The following VPS41 variants were observed in gnomAD, a reference collection of about 807,000 sequenced individuals.
The protein encoded by VPS41 is VPS41 subunit of HOPS complex.
VPS41 carries 85 observed loss-of-function variants against 130.9 expected under a neutral mutation model. That is an observed-to-expected ratio of 0.65 (90% CI 0.55 to 0.78). The LOEUF (loss-of-function observed/expected upper bound fraction) is 0.78. Among genes scored for constraint, VPS41 ranks in the 30% least tolerant of loss-of-function variants. The pLI, the probability that VPS41 is intolerant of heterozygous loss-of-function variation, is 0.00. For missense variants in VPS41, 874 were observed against 1,018.7 expected (o/e 0.86, Z 1.93); for synonymous variants, 335 against 332.9 (o/e 1.01, Z -0.07).
intron 4 of VPS41, among the ~76,000 whole-genome samples, chr7:38,833,996 A>G (rs751880798): frequency 6.6e-6 from 1 of 152,126 alleles, no homozygotes; most frequent in Non-Finnish European, 1.5e-5. Flanking sequence ...TACAAAGCTG[A>G]TTTAACCTAT....
At chr7:38,760,939 C>T (rs1783898525) in intron 17 of VPS41, among the ~76,000 whole-genome samples, 1 of 152,058 alleles carries the variant, frequency 6.6e-6, no homozygotes, top group South Asian at 2.1e-4. Flanking sequence ...CATTAAAGTT[C>T]CACCCGATTT....
intron 2 of VPS41, among the ~76,000 whole-genome samples, chr7:38,896,306 A>G (rs1266275827): frequency 6.6e-6 from 1 of 152,186 alleles, no homozygotes; most frequent in African/African-American, 2.4e-5. Context: ...GCTTTTCAAT[A>G]CTGTATGAGA....
intron 7 of VPS41, among the ~76,000 whole-genome samples, chr7:38,807,272 G>A (rs1435821609): frequency 6.6e-6 from 1 of 152,190 alleles, no homozygotes; most frequent in South Asian, 2.1e-4. Flanking sequence ...TACTCCTGGT[G>A]ATCTTTGGCC....
intron 2 of VPS41, among the ~76,000 whole-genome samples, 177 bp downstream of exon 2, chr7:38,897,914 C>A (rs1441972989): frequency 1.3e-5 from 2 of 152,036 alleles, no homozygotes; most frequent in African/African-American, 4.8e-5. Flanking sequence ...TTAAGCTAAT[C>A]CATTTAATCT....
At chr7:38,729,446 T>C (rs1195393310) in intron 25 of VPS41, among the ~76,000 whole-genome samples, 1 of 152,194 alleles carries the variant, frequency 6.6e-6, no homozygotes, top group Non-Finnish European at 1.5e-5. Flanking sequence ...CTGACTATAA[T>C]AACCTTCAAA....
chr7:38,758,240 T>C, intron 18 of VPS41, 114 bp downstream of exon 18: 2 of 945,998 alleles, frequency 2.1e-6, no homozygotes, highest in South Asian at 3.6e-5. Flanking sequence ...TAAGAAGGAA[T>C]GTAGGAAAAT....
At chr7:38,779,203 T>C (rs536513306) in intron 10 of VPS41, among the ~76,000 whole-genome samples, 11 of 152,192 alleles carry the variant, frequency 7.2e-5, no homozygotes, top group Admixed American at 1.3e-4. Context: ...AGTGGCTAAA[T>C]CACAAGCTGA....
At chr7:38,888,758 T>C (rs1786789473) in intron 2 of VPS41, among the ~76,000 whole-genome samples, 2 of 152,130 alleles carry the variant, frequency 1.3e-5, no homozygotes, top group South Asian at 4.1e-4. Flanking sequence ...TATTCTAAAA[T>C]TGACCACATA....
chr7:38,819,291 C>T (rs766182388), intron 6 of VPS41, among the ~76,000 whole-genome samples: 3 of 152,224 alleles, frequency 2.0e-5, no homozygotes, highest in Non-Finnish European at 2.9e-5. Flanking sequence ...CCAAGATTAT[C>T]TTCCCTACCT....
chr7:38,788,204 G>T (rs1342426643), intron 10 of VPS41, among the ~76,000 whole-genome samples: 1 of 152,164 alleles, frequency 6.6e-6, no homozygotes, highest in Admixed American at 6.5e-5. Flanking sequence ...AGAAAAGGAT[G>T]GTCAAGAAGG....
intron 1 of VPS41, among the ~76,000 whole-genome samples, chr7:38,907,101 T>C (rs1190259603): frequency 6.6e-6 from 1 of 151,370 alleles, no homozygotes; most frequent in Non-Finnish European, 1.5e-5. Flanking sequence ...ACAAATTTTA[T>C]AATACAGTAT....
rs528170144 is a variant in VPS41 at position 38,897,089 on chromosome 7, G to A, written c.60+1002C>T. 2.0e-5 allele frequency among the ~76,000 whole-genome samples: 3 copies of A among 151,254 alleles called. No individual in the cohort carries two copies. In the South Asian group the frequency reaches 6.3e-4, roughly 32 times the overall value. ...GGCGCCTGTAATCCCAGCTACTCGGGAGGCTGAGGCTGGAGAATCACTTGA... is the reference window on the plus strand; with the variant it reads ...GGCGCCTGTAATCCCAGCTACTCGGAAGGCTGAGGCTGGAGAATCACTTGA... On this transcript the variant is annotated intron_variant, in intron 2 of 28. Transcript: ENST00000310301.
chr7:38,756,772 T>C (rs1783802686), intron 19 of VPS41, 66 bp downstream of exon 19: 7 of 1,189,536 alleles, frequency 5.9e-6, no homozygotes, highest in Admixed American at 5.4e-5. Context: ...TTTGGATAGA[T>C]ATCTAAGTAT....
chr7:38,887,441 C>T (rs547128793), intron 2 of VPS41, among the ~76,000 whole-genome samples: 13 of 151,898 alleles, frequency 8.6e-5, no homozygotes, highest in Admixed American at 2.0e-4. Context: ...GATTGAAGAT[C>T]GAATTAGTGA....
At chr7:38,865,786 C>T (rs938099350) in intron 3 of VPS41, among the ~76,000 whole-genome samples, 3 of 151,952 alleles carry the variant, frequency 2.0e-5, no homozygotes, top group African/African-American at 4.8e-5. Context: ...GGGGAAGAGA[C>T]AGGTGATAAG....
chr7:38,754,497 C>T (rs915825526), intron 21 of VPS41, among the ~76,000 whole-genome samples: 1 of 152,136 alleles, frequency 6.6e-6, no homozygotes, highest in Non-Finnish European at 1.5e-5. Context: ...AATTCAACTG[C>T]CTGATCTACA....
chr7:38,899,379 T>C (rs2116444263), intron 1 of VPS41, among the ~76,000 whole-genome samples: 1 of 152,330 alleles, frequency 6.6e-6, no homozygotes, highest in South Asian at 2.1e-4. Flanking sequence ...TTTTTGTTCT[T>C]AGCACTACAT....
chr7:38,798,582 C>T (rs1376536440), intron 7 of VPS41, among the ~76,000 whole-genome samples: 1 of 152,102 alleles, frequency 6.6e-6, no homozygotes, highest in Non-Finnish European at 1.5e-5. Flanking sequence ...TGTGAGCAAC[C>T]ACGCCTGGCC....
intron 4 of VPS41, among the ~76,000 whole-genome samples, chr7:38,846,397 T>TG (rs3837101): frequency 0.71 from 108,510 of 152,092 alleles, 40,376 homozygotes; most frequent in African/African-American, 0.91. Flanking sequence ...CTCTTCTGCA[T>TG]GAGTCATCAA....
Sources: allele counts gnomAD v4.1 joint callset (sites outside exome capture counted in the v4.1 genomes callset), GRCh38; gene constraint gnomAD v4.1.1; transcripts MANE v1.5; gene names NCBI Gene and HGNC (gene_info 2026-07-23, HGNC 2026-07-21).